PRUNE2: variants seen among roughly 807,000 people sequenced by gnomAD.
PRUNE2 encodes the protein protein prune homolog 2.
A neutral mutation model predicts 252.0 loss-of-function variants in PRUNE2; 164 were observed. The observed-to-expected ratio is 0.65, with a 90% confidence interval of 0.57 to 0.74. The LOEUF is 0.74. PRUNE2 is among the 30% of genes least tolerant of loss of function. The pLI is 0.00. For synonymous variants in PRUNE2, 1,292 were observed against 1,350.2 expected (o/e 0.96, Z 0.94); for missense variants, 3,495 against 3,711.0 (o/e 0.94, Z 1.51).
chr9:76,784,929 C>G (rs961623599), intron 6 of PRUNE2: 5 of 151,860 alleles, frequency 3.3e-5, no homozygotes, highest in African/African-American at 1.2e-4. Flanking sequence ...TTTTTTTAAC[C>G]TGGAAGAATT....
intron 15 of PRUNE2, among the ~76,000 whole-genome samples, chr9:76,635,560 A>T (rs1409938637): frequency 6.6e-6 from 1 of 152,180 alleles, no homozygotes; most frequent in Non-Finnish European, 1.5e-5. Flanking sequence ...AGCAATTGGA[A>T]GTGGGGAATA....
At position 76,753,136 on chromosome 9, in the gene PRUNE2, C is replaced by T. The variant is rs144336847; in HGVS notation, c.757-39415G>A. Among the ~76,000 whole-genome samples, 56 of 152,144 alleles carry T rather than the reference C, an allele frequency of 3.7e-4. No individual in the cohort carries two copies. The East Asian group carries it at 0.01, about 28-fold the overall frequency. ...TCTCCACCTCCTGGGCTCAATGGATCCTTCTGCCTCAGCCCCTTGAGTAGC... is the reference window on the plus strand; with the variant it reads ...TCTCCACCTCCTGGGCTCAATGGATTCTTCTGCCTCAGCCCCTTGAGTAGC... On this transcript the variant is annotated intron_variant, in intron 6 of 18. Transcript: ENST00000376718.
chr9:76,807,834 A>G (rs1169815268), intron 6 of PRUNE2, among the ~76,000 whole-genome samples: 1 of 152,222 alleles, frequency 6.6e-6, no homozygotes, highest in East Asian at 1.9e-4. Flanking sequence ...GAACAAAATT[A>G]TAAAACAATC....
chr9:76,768,623 G>GTGTA (rs1491356086), intron 6 of PRUNE2, among the ~76,000 whole-genome samples: 12 of 130,150 alleles, frequency 9.2e-5, no homozygotes, highest in African/African-American at 3.3e-4. Context: ...GTGTGTGTGT[G>GTGTA]TATATCCCTG....
At chr9:76,692,364 A>G (rs7029812) in intron 9 of PRUNE2, 20,985 of 530,072 alleles carry the variant, frequency 0.04, 507 homozygotes, top group East Asian at 0.078. Flanking sequence ...TTTTTATGTC[A>G]GTTGAGGAAA....
In PRUNE2 at chr9:76,873,097, T is replaced by G. The variant is rs574586451; in HGVS notation, c.37-18889A>C. On this transcript the variant is annotated intron_variant, in intron 1 of 18. Coordinates refer to ENST00000376718, the MANE Select transcript of PRUNE2 (RefSeq NM_015225.3). Reference sequence around the variant, plus strand: ...ACCACCAAGAGCTGGGAGAGAGGCCTGGAACAGATCCCTCCTCAGTACCTT... The same window carrying G: ...ACCACCAAGAGCTGGGAGAGAGGCCGGGAACAGATCCCTCCTCAGTACCTT... 2.4e-4 allele frequency among the ~76,000 whole-genome samples: 37 copies of G among 151,582 alleles called. No individual in the cohort carries two copies. The South Asian group carries it at 3.2e-3, about 13-fold the overall frequency.
At chr9:76,868,836 G>T (rs944624008) in intron 1 of PRUNE2, 1 of 104,870 alleles carries the variant, frequency 9.5e-6, no homozygotes, top group East Asian at 3.6e-4. Context: ...TCCTTGGGGG[G>T]TGGGGGGGGG....
intron 6 of PRUNE2, chr9:76,788,488 C>G (rs947562486): frequency 2.3e-5 from 17 of 723,770 alleles, no homozygotes; most frequent in Non-Finnish European, 3.4e-5. Flanking sequence ...AAAGGCGTCT[C>G]TATTCACCAG....
At chr9:76,817,669 A>C (rs1356404408) in intron 6 of PRUNE2, 1 of 152,360 alleles carries the variant, frequency 6.6e-6, no homozygotes, top group East Asian at 1.9e-4. Context: ...GACTGGGAAC[A>C]CCAAATAGGA....
chr9:76,707,137 C>T lies in PRUNE2; in HGVS notation c.5137G>A (p.Glu1713Lys). ...TTCAATGAATCCCAAGCTCTGGATT[C>T]ATCCTCAGCAACGTGGCAGTTGGCC... ...QVANCHVAED[E>K]SRAWDSLNES... The change falls in exon 8 of 19, where the codon GAA becomes AAA. Residue 1713 changes from glutamate (E) to lysine (K), a missense_variant. Coordinates refer to ENST00000376718, the MANE Select transcript of PRUNE2 (RefSeq NM_015225.3). The T allele has an allele frequency of 6.2e-7, 1 of 1,613,938 alleles. No homozygotes were observed. Among genetic ancestry groups the T allele is most frequent in the Non-Finnish European group, 8.5e-7 (1 of 1,179,870 alleles).
chr9:76,678,349 C>CAAA (rs58096428), intron 9 of PRUNE2, among the ~76,000 whole-genome samples: 12 of 83,114 alleles, frequency 1.4e-4, no homozygotes, highest in African/African-American at 1.9e-4. Flanking sequence ...GAGACTCCAT[C>CAAA]AAAAAAAAAA....
At chr9:76,731,342 A>G (rs1453115472) in intron 6 of PRUNE2, among the ~76,000 whole-genome samples, 1 of 79,932 alleles carries the variant, frequency 1.3e-5, no homozygotes, top group Non-Finnish European at 2.4e-5. Context: ...TTTTTTTTTG[A>G]GACAGGGTAT....
rs62567452 is a variant in PRUNE2, at chr9:76,630,029, G to T, written c.9051-739C>A. On this transcript the variant is annotated intron_variant, in intron 15 of 18. Coordinates refer to ENST00000376718, the MANE Select transcript of PRUNE2 (RefSeq NM_015225.3). ...AATGGCAGAGCCTATACTAACCTGGGCAGTCTGACTTTGGCATTCACACTC... is the reference window on the plus strand; with the variant it reads ...AATGGCAGAGCCTATACTAACCTGGTCAGTCTGACTTTGGCATTCACACTC... Among the ~76,000 whole-genome samples the T allele has an allele frequency of 5.6e-3, 859 of 152,126 alleles. 6 individuals carry two copies. The highest frequency in any genetic ancestry group is 8.9e-3 in the Non-Finnish European group (604 of 67,978).
At chr9:76,769,309 A>C (rs1408233193) in intron 6 of PRUNE2, among the ~76,000 whole-genome samples, 1 of 152,234 alleles carries the variant, frequency 6.6e-6, no homozygotes, top group East Asian at 1.9e-4. Flanking sequence ...GGGTCAATAC[A>C]TACAGAATAA....
Position 76,708,318 on chromosome 9 carries a change from T to G in PRUNE2, c.3956A>C (p.His1319Pro). 6.2e-7 allele frequency: 1 copy of G among 1,613,904 alleles called. No individual in the cohort carries two copies. The highest frequency in any genetic ancestry group is 8.5e-7 in the Non-Finnish European group (1 of 1,179,888). ...YFPHPDPWKG[H>P]GDGQSESEKE... ...CTCACTTTCACTTTGTCCATCGCCA[T>G]GACCTTTCCATGGATCTGGGTGTGG... is the stretch of plus-strand genomic sequence containing the variant. Residue 1319 changes from histidine (H) to proline (P), a missense_variant, in exon 8 of 19, where the codon CAT becomes CCT. Transcript: ENST00000376718.
intron 9 of PRUNE2, among the ~76,000 whole-genome samples, chr9:76,701,493 A>G (rs540361158): frequency 1.3e-5 from 2 of 152,350 alleles, no homozygotes; most frequent in African/African-American, 2.4e-5. Context: ...AAATGCACAC[A>G]AGAAGCCAAA....
chr9:76,877,262 T>C (rs927475853), intron 1 of PRUNE2, among the ~76,000 whole-genome samples: 4 of 151,818 alleles, frequency 2.6e-5, no homozygotes. Context: ...CCCAGCACTT[T>C]GGTAGGCCAA....
intron 9 of PRUNE2, among the ~76,000 whole-genome samples, chr9:76,661,659 A>T (rs545200042): frequency 2.0e-5 from 3 of 152,388 alleles, no homozygotes; most frequent in African/African-American, 7.2e-5. Context: ...AATAATTGAG[A>T]GCCAATGTGT....
intron 6 of PRUNE2, among the ~76,000 whole-genome samples, chr9:76,810,601 C>G (rs1178128493): frequency 6.6e-6 from 1 of 152,200 alleles, no homozygotes; most frequent in Non-Finnish European, 1.5e-5. Context: ...CACAGCCATC[C>G]TTAGCAATCA....
Sources: gnomAD v4.1 joint callset for allele counts (sites outside exome capture counted in the v4.1 genomes callset) on GRCh38, gnomAD v4.1.1 for gene constraint, MANE v1.5 for transcripts, NCBI Gene and HGNC (gene_info 2026-07-23, HGNC 2026-07-21) for gene names.